TSPAN18: variants seen among roughly 807,000 people sequenced by gnomAD.
The protein encoded by TSPAN18 is tetraspanin 18, also known as tetraspanin-18.
TSPAN18 carries 14 observed loss-of-function variants against 27.3 expected under a neutral mutation model. The ratio of observed to expected loss-of-function variants is 0.51; its 90% CI spans 0.34 to 0.80. The LOEUF is 0.80. Ranked by LOEUF, TSPAN18 falls within the 30% of genes least tolerant of loss-of-function variation. The probability of loss-of-function intolerance (pLI) is 0.01; values close to 1 mark genes in which losing one functional copy is unlikely to be tolerated. For missense variants in TSPAN18, 268 were observed against 323.9 expected, an observed-to-expected ratio of 0.83 and a Z score of 1.32; for synonymous variants, 143 against 136.5, an observed-to-expected ratio of 1.05 and a Z score of -0.33.
chr11:44,758,442 T>G (rs1855380498), intron 1 of TSPAN18, among the ~76,000 whole-genome samples: 1 of 152,192 alleles, frequency 6.6e-6, no homozygotes, highest in Non-Finnish European at 1.5e-5. Flanking sequence ...GCTGCCAAAT[T>G]CGGGTTGCTA....
Position 44,727,300 on chromosome 11 carries a change from G to T in TSPAN18, c.-240+13G>T, listed in dbSNP as rs942676135. ...CCGCCGCTGGAAGGTATGGGGCTCC[G>T]CACCTCCGTGCCCTCCGCACGCCGC... On this transcript the variant is annotated intron_variant, in intron 1 of 9. Transcript: ENST00000520358. 5 of 152,000 alleles carry T rather than the reference G, an allele frequency of 3.3e-5. No homozygotes were observed. The highest frequency in any genetic ancestry group is 1.2e-4 in the African/African-American group (5 of 41,468). 9.4% of individuals were successfully genotyped at this position (152,000 alleles called of 1,614,324 possible). A position where few individuals can be genotyped will look rare whatever the true frequency, so the allele number is the denominator to read the frequency against.
At chr11:44,794,451 T>TG (rs1236452320) in intron 2 of TSPAN18, among the ~76,000 whole-genome samples, 1 of 152,168 alleles carries the variant, frequency 6.6e-6, no homozygotes, top group African/African-American at 2.4e-5. Flanking sequence ...GTGGATCACC[T>TG]GAGGTCAGGA....
intron 5 of TSPAN18, among the ~76,000 whole-genome samples, chr11:44,916,076 C>T (rs778820057): frequency 6.6e-6 from 1 of 152,212 alleles, no homozygotes; most frequent in African/African-American, 2.4e-5. Context: ...GCAAGGGGCT[C>T]TCTTTAGGTT....
chr11:44,892,598 A>AG (rs1468422301), intron 3 of TSPAN18, among the ~76,000 whole-genome samples: 4 of 152,240 alleles, frequency 2.6e-5, no homozygotes, highest in Non-Finnish European at 5.9e-5. Flanking sequence ...TACAATGTCT[A>AG]GTGCCTAAGA....
intron 3 of TSPAN18, among the ~76,000 whole-genome samples, chr11:44,882,631 G>C (rs946938820): frequency 9.2e-4 from 58 of 63,384 alleles, no homozygotes; most frequent in Admixed American, 3.0e-3. Context: ...CACACACAGA[G>C]AGAGAGCATG....
chr11:44,841,120 T>C (rs1422266732), intron 2 of TSPAN18, among the ~76,000 whole-genome samples: 1 of 152,190 alleles, frequency 6.6e-6, no homozygotes, highest in African/African-American at 2.4e-5. Flanking sequence ...ACTGCGTATG[T>C]GCCGGAGGGT....
chr11:44,820,268 G>T (rs1250562032), intron 2 of TSPAN18, among the ~76,000 whole-genome samples: 1 of 152,200 alleles, frequency 6.6e-6, no homozygotes, highest in Non-Finnish European at 1.5e-5. Flanking sequence ...AGCCCTAGGA[G>T]CCTCCCTATG....
At chr11:44,915,415 G>A (rs889739768) in intron 5 of TSPAN18, among the ~76,000 whole-genome samples, 1 of 152,166 alleles carries the variant, frequency 6.6e-6, no homozygotes, top group Non-Finnish European at 1.5e-5. Context: ...GTGGCAGAAT[G>A]GACCATGGGC....
At chr11:44,737,759 G>C (rs8181601) in intron 1 of TSPAN18, among the ~76,000 whole-genome samples, 131,197 of 151,962 alleles carry the variant, frequency 0.86, 57,119 homozygotes, top group Non-Finnish European at 0.92. Flanking sequence ...TACCTCTTCT[G>C]CAGCCCATCT....
chr11:44,881,101 C>T (rs1459196148), intron 3 of TSPAN18, among the ~76,000 whole-genome samples: 1 of 152,204 alleles, frequency 6.6e-6, no homozygotes, highest in African/African-American at 2.4e-5. Flanking sequence ...TAGTGTGTGA[C>T]CTTGAACAAG....
intron 1 of TSPAN18, among the ~76,000 whole-genome samples, chr11:44,754,758 A>G (rs1354857352): frequency 1.3e-5 from 2 of 152,196 alleles, no homozygotes; most frequent in African/African-American, 2.4e-5. Flanking sequence ...GTGTAGGAGA[A>G]AGAAGAGTGC....
At chr11:44,830,630 T>G (rs1032730810) in intron 2 of TSPAN18, among the ~76,000 whole-genome samples, 2 of 152,196 alleles carry the variant, frequency 1.3e-5, no homozygotes, top group African/African-American at 4.8e-5. Context: ...AAAGGGGGCT[T>G]AGGGCAGGGA....
chr11:44,912,623 G>T (rs530600278), intron 5 of TSPAN18, among the ~76,000 whole-genome samples: 2 of 152,280 alleles, frequency 1.3e-5, no homozygotes, highest in Admixed American at 1.3e-4. Context: ...TATGTGTATT[G>T]TGTATACATG....
chr11:44,920,606 A>G (rs542825676), intron 8 of TSPAN18, among the ~76,000 whole-genome samples: 4 of 152,196 alleles, frequency 2.6e-5, no homozygotes, highest in Admixed American at 6.5e-5. Context: ...TGAGTTCACA[A>G]TGCCCTTGCT....
At chr11:44,796,639 T>C (rs1442137552) in intron 2 of TSPAN18, among the ~76,000 whole-genome samples, 1 of 152,088 alleles carries the variant, frequency 6.6e-6, no homozygotes, top group Non-Finnish European at 1.5e-5. Context: ...CCTATCCTTG[T>C]TTTATGTACT....
At chr11:44,778,358 T>C (rs1213117320) in intron 2 of TSPAN18, among the ~76,000 whole-genome samples, 2 of 152,092 alleles carry the variant, frequency 1.3e-5, no homozygotes, top group Non-Finnish European at 2.9e-5. Flanking sequence ...CTCTGGTCTG[T>C]CACTCCTCCC....
chr11:44,737,460 G>T (rs932672169), intron 1 of TSPAN18, among the ~76,000 whole-genome samples: 1 of 152,214 alleles, frequency 6.6e-6, no homozygotes, highest in Admixed American at 6.5e-5. Flanking sequence ...CCCTTCTCCA[G>T]TGTGATAAAT....
At chr11:44,728,108 C>A (rs181791673) in intron 1 of TSPAN18, among the ~76,000 whole-genome samples, 6 of 152,192 alleles carry the variant, frequency 3.9e-5, no homozygotes, top group African/African-American at 1.4e-4. Flanking sequence ...ACCACAGACA[C>A]CCAACTTACG....
At chr11:44,917,782 T>A in intron 5 of TSPAN18, 190 bp from the exon 6 acceptor site, 3 of 601,586 alleles carry the variant, frequency 5.0e-6, no homozygotes, top group Non-Finnish European at 8.9e-6. Flanking sequence ...TTGATCTCAA[T>A]CCTGTTGACT....
Sources: allele counts gnomAD v4.1 joint callset (sites outside exome capture counted in the v4.1 genomes callset), GRCh38; gene constraint gnomAD v4.1.1; transcripts MANE v1.5; gene names NCBI Gene and HGNC (gene_info 2026-07-23, HGNC 2026-07-21).